GART: variants seen among roughly 807,000 people sequenced by gnomAD.
GART encodes phosphoribosylglycinamide formyltransferase, phosphoribosylglycinamide synthetase, phosphoribosylaminoimidazole synthetase.
In GART, 43 loss-of-function variants were observed where a neutral mutation model predicts 107.2. The ratio of observed to expected loss-of-function variants is 0.40; its 90% confidence interval spans 0.31 to 0.52. The LOEUF is 0.52. GART is among the 20% of genes least tolerant of loss of function. The probability of loss-of-function intolerance (pLI) is 0.52; values close to 1 mark genes in which losing one functional copy is unlikely to be tolerated. For synonymous variants in GART, 434 were observed against 427.0 expected, an observed-to-expected ratio of 1.02 and a Z score of -0.20; for missense variants, 1,107 against 1,206.5, an observed-to-expected ratio of 0.92 and a Z score of 1.22.
At chr21:33,511,843 A>G (rs913768400) in intron 16 of GART, among the ~76,000 whole-genome samples, 1 of 152,160 alleles carries the variant, frequency 6.6e-6, no homozygotes, top group Non-Finnish European at 1.5e-5. Flanking sequence ...ACAATGCAAA[A>G]CTAGATGGCT....
At chr21:33,518,920 T>C (rs113278938) in intron 14 of GART, 19 of 497,738 alleles carry the variant, frequency 3.8e-5, no homozygotes, top group Non-Finnish European at 6.3e-5. Context: ...CCCAGAGAAA[T>C]GCTACCAGCA....
chr21:33,524,715 C>A, intron 11 of GART, 54 bp downstream of exon 11: 1 of 1,610,266 alleles, frequency 6.2e-7, no homozygotes, highest in Non-Finnish European at 8.5e-7. Flanking sequence ...TTCTACATAG[C>A]CATTTAGGCC....
chr21:33,530,603 G>A, intron 7 of GART, 156 bp downstream of exon 7: 17 of 741,880 alleles, frequency 2.3e-5, no homozygotes, highest in Non-Finnish European at 3.0e-5. Context: ...GTTAGTTTTA[G>A]AGACCAGAAA....
chr21:33,542,845 A>G, upstream of GART: 2 of 570,498 alleles, frequency 3.5e-6, no homozygotes, highest in Non-Finnish European at 6.3e-6. Flanking sequence ...TGCGTCAGAC[A>G]CTAACATGGC....
At chr21:33,509,545 A>C (rs1022297724) in intron 18 of GART, 1 of 373,792 alleles carries the variant, frequency 2.7e-6, no homozygotes, top group African/African-American at 2.1e-5. Context: ...TGTAGCTTCT[A>C]TCTTTTCTGG....
chr21:33,517,304 A>C, intron 15 of GART, 53 bp downstream of exon 15: 1 of 1,606,380 alleles, frequency 6.2e-7, no homozygotes, highest in African/African-American at 1.3e-5. Context: ...AAAACCACTA[A>C]ATGCTTGCTC....
chr21:33,541,613 C>A (rs1368962984), intron 1 of GART, among the ~76,000 whole-genome samples: 1 of 152,184 alleles, frequency 6.6e-6, no homozygotes, highest in Non-Finnish European at 1.5e-5. Context: ...AGAGACGCTG[C>A]CCCATACTAG....
chr21:33,516,516 C>T (rs1254474406), intron 16 of GART, among the ~76,000 whole-genome samples: 2 of 152,178 alleles, frequency 1.3e-5, no homozygotes, highest in African/African-American at 4.8e-5. Context: ...TCCAAACTTA[C>T]TCTTCTTCCT....
intron 18 of GART, chr21:33,509,271 A>G (rs2084741362): frequency 6.5e-6 from 1 of 152,806 alleles, no homozygotes; most frequent in African/African-American, 2.4e-5. Flanking sequence ...AAGAATCACT[A>G]TGATCTTGGC....
Position 33,520,514 on chromosome 21 carries a change from C to T in GART, c.1552G>A (p.Ala518Thr), listed in dbSNP as rs2084952956. Residue 518 changes from alanine (A) to threonine (T), a missense_variant, in exon 14 of 22, where the codon GCA (alanine) becomes ACA (threonine). Ala to Thr is a moderately conservative substitution (Grantham distance 58). Transcript: ENST00000381815. ...KHDTIGQDLV[A>T]MCVNDILAQG... ...GCCAGAATATCATTAACACACATTG[C>T]TACCAAATCTTGACCAATGGTATCA... The T allele has an allele frequency of 6.2e-7, 1 of 1,614,166 alleles. No homozygotes were observed. Among genetic ancestry groups the T allele is most frequent in the South Asian group, 1.1e-5 (1 of 91,080 alleles).
chr21:33,512,000 G>C (rs537886106), intron 16 of GART, among the ~76,000 whole-genome samples: 1 of 151,930 alleles, frequency 6.6e-6, no homozygotes, highest in African/African-American at 2.4e-5. Flanking sequence ...CCGGGCGTGA[G>C]AATCCCAACA....
Position 33,517,463 on chromosome 21 carries a change from T to C in GART, c.1848A>G (p.Ser616=). ...TAAATCCATTGCTATGAAGACCAGA[T>C]GAAGCTATTCCAACAACAACATCAC... The part of the protein sequence containing the change: ...TEGDVVVGIA[S]SGLHSNGFSL... The change falls in exon 15 of 22, where the codon TCA becomes TCG. Residue 616 remains serine, a synonymous_variant. Coordinates refer to ENST00000381815, the MANE Select transcript of GART (RefSeq NM_000819.5). 1.2e-6 allele frequency: 2 copies of C among 1,614,168 alleles called. No individual in the cohort carries two copies. The highest frequency in any genetic ancestry group is 1.7e-6 in the Non-Finnish European group (2 of 1,180,042).
rs769465285 is a variant in GART at position 33,539,345 on chromosome 21, G to A, written c.-30C>T. The A allele has an allele frequency of 3.1e-6, 5 of 1,589,184 alleles. No homozygotes were observed. The highest frequency in any genetic ancestry group is 2.3e-5 in the South Asian group (2 of 86,924). On this transcript the variant is annotated 5_prime_UTR_variant, in exon 2 of 22. Coordinates refer to ENST00000381815, the MANE Select transcript of GART (RefSeq NM_000819.5). The stretch of plus-strand genomic sequence containing the variant: ...CTGTCTGTAAAGCAGAAATTCCAAA[G>A]GAAAATGAAACCTGCAGAAAGAAAA...
chr21:33,527,924 G>A (rs1038840905), intron 10 of GART, among the ~76,000 whole-genome samples: 9 of 152,124 alleles, frequency 5.9e-5, no homozygotes, highest in African/African-American at 1.9e-4. Context: ...GGTGACACTC[G>A]GGAGATGTGG....
At chr21:33,531,401 C>A in intron 6 of GART, 88 bp downstream of exon 6, 1 of 1,134,082 alleles carries the variant, frequency 8.8e-7, no homozygotes, top group Non-Finnish European at 1.3e-6. Flanking sequence ...GATGAAGCAA[C>A]CAGAGTATAT....
chr21:33,524,889 C>T lies in GART; in HGVS notation c.1178G>A (p.Arg393Gln), dbSNP rs762562084. 126 of 1,614,016 alleles carry T rather than the reference C, an allele frequency of 7.8e-5. No individual in the cohort carries two copies. The highest frequency in any genetic ancestry group is 1.6e-4 in the African/African-American group (12 of 74,910). ...CTCAAGGGCTGATATGAGATTTTCCCGGATGGCTGTGACTGCAAGAACTCT... is the reference window on the plus strand; with the variant it reads ...CTCAAGGGCTGATATGAGATTTTCCTGGATGGCTGTGACTGCAAGAACTCT... ...GGRVLAVTAIRENLISALEEA... is the reference protein window; with the variant it reads ...GGRVLAVTAIQENLISALEEA... Residue 393 changes from arginine (R) to glutamine (Q), a missense_variant, in exon 11 of 22, where the codon CGG (arginine) becomes CAG (glutamine). Arg to Gln is a conservative substitution (Grantham distance 43, BLOSUM62 1). Transcript: ENST00000381815.
chr21:33,507,768 T>C (rs1273295986), intron 18 of GART, among the ~76,000 whole-genome samples: 1 of 151,712 alleles, frequency 6.6e-6, no homozygotes, highest in Non-Finnish European at 1.5e-5. Context: ...GGAGGCGGAG[T>C]TTGCAGTGAG....
At chr21:33,536,788 CAA>C (rs1429564754) in intron 2 of GART, among the ~76,000 whole-genome samples, 1 of 152,144 alleles carries the variant, frequency 6.6e-6, no homozygotes. Context: ...ATATGCTGGA[CAA>C]AAAGATTCAC....
intron 18 of GART, 26 bp from the exon 19 acceptor site, chr21:33,506,130 A>G (rs1322492625): frequency 6.3e-7 from 1 of 1,595,436 alleles, no homozygotes; most frequent in Non-Finnish European, 8.5e-7. Flanking sequence ...AACAGCAGTG[A>G]GCTCATACTA....
Sources: allele counts gnomAD v4.1 joint callset (sites outside exome capture counted in the v4.1 genomes callset), GRCh38; gene constraint gnomAD v4.1.1; transcripts MANE v1.5; gene names NCBI Gene and HGNC (gene_info 2026-07-23, HGNC 2026-07-21).